CFAP263: variants seen among roughly 807,000 people sequenced by gnomAD.
The protein encoded by CFAP263 is cilia and flagella associated protein 263.
chr16:58,262,345 AC>A, the CFAP263 span: 2 of 1,568,118 alleles, frequency 1.3e-6, no homozygotes, highest in Non-Finnish European at 1.7e-6. Flanking sequence ...CAGAATCACA[AC>A]TGACGTATCA....
chr16:58,273,420 A>G, the CFAP263 span, among the ~76,000 whole-genome samples: 1 of 152,038 alleles, frequency 6.6e-6, no homozygotes, highest in Non-Finnish European at 1.5e-5. Flanking sequence ...CTATCAATCT[A>G]CAAGTTTACT....
the CFAP263 span, among the ~76,000 whole-genome samples, chr16:58,274,864 C>T: frequency 2.0e-5 from 3 of 152,184 alleles, no homozygotes; most frequent in Non-Finnish European, 2.9e-5. Flanking sequence ...CAATTTTTCC[C>T]GTAGTGACAT....
the CFAP263 span, chr16:58,260,006 C>A: frequency 4.4e-6 from 4 of 908,018 alleles, no homozygotes; most frequent in Non-Finnish European, 6.9e-6. Context: ...AAGGTTCCCA[C>A]CCCCACCCCA....
the CFAP263 span, among the ~76,000 whole-genome samples, chr16:58,258,919 G>A: frequency 1.3e-5 from 2 of 151,758 alleles, no homozygotes; most frequent in African/African-American, 4.8e-5. Context: ...CGGAGATTGC[G>A]GTGAGCCAAG....
the CFAP263 span, chr16:58,283,620 C>T: frequency 6.6e-5 from 10 of 152,212 alleles, no homozygotes; most frequent in Middle Eastern, 3.4e-3. Context: ...ACTTGTTTGA[C>T]GGAATGGTTG....
chr16:58,276,386 A>G, the CFAP263 span, among the ~76,000 whole-genome samples: 1 of 152,232 alleles, frequency 6.6e-6, no homozygotes, highest in Non-Finnish European at 1.5e-5. Context: ...ACTGTTTACC[A>G]AACATTAACA....
chr16:58,252,644 G>T, the CFAP263 span: 1 of 1,230,444 alleles, frequency 8.1e-7, no homozygotes. Flanking sequence ...AACGGGTTTT[G>T]CAGGTCTACT....
chr16:58,280,364 A>G, the CFAP263 span: 2 of 1,614,122 alleles, frequency 1.2e-6, no homozygotes, highest in South Asian at 1.1e-5. Context: ...GGTTGTACAG[A>G]CGCCTCAGGA....
chr16:58,267,708 A>AAAATC, the CFAP263 span: 16 of 636,254 alleles, frequency 2.5e-5, no homozygotes, highest in Middle Eastern at 3.7e-4. Flanking sequence ...CTAGACAATA[A>AAAATC]AAATCAAAAT....
the CFAP263 span, among the ~76,000 whole-genome samples, chr16:58,263,136 G>A: frequency 5.4e-4 from 83 of 152,344 alleles, no homozygotes; most frequent in African/African-American, 1.9e-3. Context: ...GGCCCCAGCA[G>A]ACTAGGCTAT....
chr16:58,265,083 G>A, the CFAP263 span, among the ~76,000 whole-genome samples: 2 of 152,170 alleles, frequency 1.3e-5, no homozygotes, highest in African/African-American at 2.4e-5. Flanking sequence ...CTACAGCTGC[G>A]ATGAGTCACT....
chr16:58,279,856 C>A, the CFAP263 span: 3 of 1,149,598 alleles, frequency 2.6e-6, no homozygotes, highest in South Asian at 1.4e-5. Context: ...GGGCTCCTCT[C>A]ACTGTTCCCT....
the CFAP263 span, chr16:58,278,588 A>G: frequency 1.2e-6 from 2 of 1,614,222 alleles, no homozygotes; most frequent in African/African-American, 2.7e-5. Flanking sequence ...TTAAATGCGG[A>G]CCTGGAGAAG....
chr16:58,268,121 C>T, the CFAP263 span, among the ~76,000 whole-genome samples: 1 of 151,998 alleles, frequency 6.6e-6, no homozygotes, highest in Non-Finnish European at 1.5e-5. Flanking sequence ...TCCTGAGTGG[C>T]CTGCAGCAGA....
At chr16:58,263,844 T>C in the CFAP263 span, among the ~76,000 whole-genome samples, 1 of 152,154 alleles carries the variant, frequency 6.6e-6, no homozygotes, top group Middle Eastern at 3.2e-3. Flanking sequence ...CTGGGCGTGG[T>C]GGTGCACACC....
chr16:58,264,962 C>T, the CFAP263 span, among the ~76,000 whole-genome samples: 295 of 152,300 alleles, frequency 1.9e-3, 1 homozygote, highest in Non-Finnish European at 2.5e-3. Flanking sequence ...GAAATGGGCT[C>T]TTCTCTTCTG....
chr16:58,259,543 G>A, the CFAP263 span, among the ~76,000 whole-genome samples: 12 of 152,262 alleles, frequency 7.9e-5, no homozygotes, highest in East Asian at 1.9e-4. Context: ...GTAAACTACC[G>A]TGGGAATACA....
the CFAP263 span, among the ~76,000 whole-genome samples, chr16:58,255,728 A>AT: frequency 1.3e-5 from 2 of 151,466 alleles, no homozygotes; most frequent in African/African-American, 4.9e-5. Flanking sequence ...CACCCAGCTA[A>AT]TTTTTTTTGT....
the CFAP263 span, among the ~76,000 whole-genome samples, chr16:58,268,062 A>AGAGAAAAT: frequency 9.3e-5 from 14 of 150,838 alleles, no homozygotes; most frequent in Non-Finnish European, 1.8e-4. Context: ...AGAGAGAGAG[A>AGAGAAAAT]GGTCATAACC....
Sources: gnomAD v4.1 joint callset for allele counts (sites outside exome capture counted in the v4.1 genomes callset) on GRCh38, gnomAD v4.1.1 for gene constraint, MANE v1.5 for transcripts, NCBI Gene and HGNC (gene_info 2026-07-23, HGNC 2026-07-21) for gene names.